CIC: variants seen among roughly 807,000 people sequenced by gnomAD.
CIC encodes protein capicua homolog.
A neutral mutation model predicts 115.7 loss-of-function variants in CIC; 18 were observed. The ratio of observed to expected loss-of-function variants is 0.16; its 90% CI spans 0.11 to 0.23. CIC has a LOEUF of 0.23. Among genes scored for constraint, CIC ranks in the 10% least tolerant of loss-of-function variants. CIC has a pLI of 1.00. For missense variants in CIC, 2,000 were observed against 2,159.3 expected, an observed-to-expected ratio of 0.93 and a Z score of 1.46; for synonymous variants, 1,076 against 923.0, an observed-to-expected ratio of 1.17 and a Z score of -3.01.
At chr19:42,283,508 GGT>G (rs761781564) in intron 2 of CIC, among the ~76,000 whole-genome samples, 2 of 152,098 alleles carry the variant, frequency 1.3e-5, no homozygotes, top group Non-Finnish European at 2.9e-5. Context: ...GTGCCCGTGG[GGT>G]GTGTAGGAGA....
Position 42,290,583 on chromosome 19 carries a change from T to C in CIC, c.4542T>C (p.Ser1514=), listed in dbSNP as rs774139976. The C allele has an allele frequency of 2.7e-5, 44 of 1,613,482 alleles. 1 individual carries two copies. In the South Asian group the frequency reaches 4.4e-4, roughly 16 times the overall value. The change falls in exon 11 of 21, where the codon AGT becomes AGC. Residue 1514 remains serine, a synonymous_variant. Transcript: ENST00000681038. ...CCTTCCGGCGCAAGAGACCCGAAAG[T>C]GTGGGTGGCCTGGAGCCACCAGGCC... The part of the protein sequence containing the change: ...PATFRRKRPE[S]VGGLEPPGPS...
chr19:42,284,055 A>AGTGGCGGGGCGGGGAGGCG (rs1385281493), intron 2 of CIC: 3 of 139,860 alleles, frequency 2.1e-5, no homozygotes, highest in Non-Finnish European at 4.7e-5. Flanking sequence ...AGCGCGTAGT[A>AGTGGCGGGGCGGGGAGGCG]GTGGCGGGGC....
rs998901250 is a variant in CIC, at chr19:42,293,169, C to T, written c.6410C>T (p.Thr2137Ile). ...APESELEGQP[T>I]PPAPPPLPET... is the part of the protein sequence containing the mutation. ...GAGTCTGAGCTTGAGGGGCAGCCCA[C>T]ACCACCAGCCCCTCCACCCCTGCCA... The change falls in exon 16 of 21, where the codon ACA becomes ATA. Residue 2137 changes from threonine to isoleucine, a missense_variant. Physicochemically the swap from Thr to Ile is moderately conservative, Grantham distance 89. This residue lies in a region of CIC where 1,466 missense variants were observed against 1,390.4 expected (regional missense o/e 1.05). Transcript: ENST00000681038. The T allele has an allele frequency of 5.0e-6, 8 of 1,603,246 alleles. No individual in the cohort carries two copies. The African/African-American group carries it at 8.0e-5, about 16-fold the overall frequency.
At position 42,293,008 on chromosome 19, in the gene CIC, G is replaced by A. The variant is rs766523175; in HGVS notation, c.6249G>A (p.Pro2083=). ...CCCCCAAGGCCCAGCGGCCCAGCCCGAAGGCCCCCCAGAAAGTGAAGGCAG... is the reference window on the plus strand; with the variant it reads ...CCCCCAAGGCCCAGCGGCCCAGCCCAAAGGCCCCCCAGAAAGTGAAGGCAG... ...LVAPKAQRPS[P]KAPQKVKAAI... The change falls in exon 16 of 21, where the codon CCG becomes CCA. Residue 2083 remains proline (P), a synonymous_variant. Coordinates refer to ENST00000681038, the MANE Select transcript of CIC (RefSeq NM_001386298.1). The A allele has an allele frequency of 3.7e-6, 6 of 1,613,452 alleles. No homozygotes were observed. Among genetic ancestry groups the A allele is most frequent in the Admixed American group, 1.7e-5 (1 of 60,014 alleles).
Position 42,269,281 on chromosome 19 carries a change from A to AG in CIC, c.-108dup, listed in dbSNP as rs931372350. 1.4e-5 allele frequency: 2 copies of AG among 142,248 alleles called. No individual in the cohort carries two copies. The highest frequency in any genetic ancestry group is 4.5e-4 in the East Asian group (2 of 4,442). The allele number at this position is 142,248 out of a possible 1,614,324, so 8.8% of individuals were successfully genotyped here. ...TTTTGTGTGTTGGAGTAAAAAAAAA[A>AG]GGGAGAATCGAGAGGGAGAGCCGGA... On this transcript the variant is annotated 5_prime_UTR_variant, in exon 1 of 21. Transcript: ENST00000681038.
Position 42,290,599 on chromosome 19 carries a change from C to G in CIC, c.4558C>G (p.Pro1520Ala), listed in dbSNP as rs1487387992. The G allele has an allele frequency of 1.9e-6, 3 of 1,613,656 alleles. No homozygotes were observed. The highest frequency in any genetic ancestry group is 1.7e-5 in the Admixed American group (1 of 60,004). Residue 1520 changes from proline (P) to alanine (A), a missense_variant, in exon 11 of 21, where the codon CCA becomes GCA. Pro to Ala is a conservative substitution (Grantham distance 27). Around this residue, in one of 8 missense-constraint regions of CIC, gnomAD observed 1,466 missense variants for 1,390.4 expected, o/e 1.05. Coordinates refer to ENST00000681038, the MANE Select transcript of CIC (RefSeq NM_001386298.1). ...ACCCGAAAGTGTGGGTGGCCTGGAGCCACCAGGCCCCTCAGTCATCGCGGC... is the reference window on the plus strand; with the variant it reads ...ACCCGAAAGTGTGGGTGGCCTGGAGGCACCAGGCCCCTCAGTCATCGCGGC... ...KRPESVGGLE[P>A]PGPSVIAAPP... is the part of the protein sequence containing the mutation.
chr19:42,288,416 T>C (rs553845960), intron 7 of CIC, among the ~76,000 whole-genome samples: 1 of 152,244 alleles, frequency 6.6e-6, no homozygotes, highest in African/African-American at 2.4e-5. Flanking sequence ...CAAACACCCC[T>C]GATGGGCTGC....
Position 42,289,896 on chromosome 19 carries a change from G to A in CIC, c.4136G>A (p.Arg1379Gln), listed in dbSNP as rs762143212. 2.7e-5 allele frequency: 44 copies of A among 1,610,218 alleles called. No individual in the cohort carries two copies. The highest frequency in any genetic ancestry group is 3.3e-5 in the South Asian group (3 of 90,064). Residue 1379 changes from arginine to glutamine, a missense_variant, in exon 10 of 21, where the codon CGG (arginine) becomes CAG (glutamine). By Grantham distance (43) the Arg-to-Gln change is conservative. Coordinates refer to ENST00000681038, the MANE Select transcript of CIC (RefSeq NM_001386298.1). The stretch of plus-strand genomic sequence containing the variant: ...GACATTGATCTCAAGTGCAAGGAGC[G>A]GGTGACCGACAGCGAGAGTGGGGAC... ...TTDIDLKCKE[R>Q]VTDSESGDSS... is the part of the protein sequence containing the mutation.
rs759679186 is a variant in CIC, at chr19:42,293,081, C to T, written c.6322C>T (p.Arg2108Trp). The change falls in exon 16 of 21, where the codon CGG becomes TGG. Residue 2108 changes from arginine (R) to tryptophan (W), a missense_variant. By Grantham distance (101) the Arg-to-Trp change is moderately radical. Around this residue, in one of 8 missense-constraint regions of CIC, gnomAD observed 1,466 missense variants for 1,390.4 expected, o/e 1.05. Coordinates refer to ENST00000681038, the MANE Select transcript of CIC (RefSeq NM_001386298.1). Reference sequence around the variant, plus strand: ...GTCCTTTGAGGCAGGTGCCTCTGGGCGGCCTGGCCCTGCACCCCGGCAGCC... The same window carrying T: ...GTCCTTTGAGGCAGGTGCCTCTGGGTGGCCTGGCCCTGCACCCCGGCAGCC... Reference protein sequence around the residue: ...VGSFEAGASGRPGPAPRQPLE... With the variant: ...VGSFEAGASGWPGPAPRQPLE... The T allele has an allele frequency of 3.0e-5, 49 of 1,610,632 alleles. No homozygotes were observed. Among genetic ancestry groups the T allele is most frequent in the Middle Eastern group, 1.6e-4 (1 of 6,082 alleles).
rs1249479981 is a variant in CIC at position 42,273,851 on chromosome 19, C to T, written c.2068C>T (p.Arg690Cys). The T allele has an allele frequency of 1.5e-5, 6 of 398,658 alleles. No individual in the cohort carries two copies. The highest frequency in any genetic ancestry group is 1.3e-4 in the South Asian group (1 of 7,856). The allele number at this position is 398,658 out of a possible 1,614,324, so 24.7% of individuals were successfully genotyped here. A position where few individuals can be genotyped will look rare whatever the true frequency, so the allele number is the denominator to read the frequency against. ...PHPPPPAPRE[R>C]HSSGILPTFQ... Reference sequence around the variant, plus strand: ...CCCACCGCCACCTGCCCCCCGAGAGCGCCACTCCTCTGGAATCCTACCCAC... The same window carrying T: ...CCCACCGCCACCTGCCCCCCGAGAGTGCCACTCCTCTGGAATCCTACCCAC... Residue 690 changes from arginine (R) to cysteine (C), a missense_variant, in exon 2 of 21, where the codon CGC becomes TGC. Physicochemically the swap from Arg to Cys is radical, Grantham distance 180 (BLOSUM62 -3). Transcript: ENST00000681038.
At chr19:42,293,524 T>A (rs1327790108) in intron 16 of CIC, 68 bp from the exon 17 acceptor site, 4 of 1,610,216 alleles carry the variant, frequency 2.5e-6, no homozygotes, top group Non-Finnish European at 3.4e-6. Flanking sequence ...ATCCAACTCT[T>A]TGTTTCTGGC....
rs770556754 is a variant in CIC, at chr19:42,295,269, C to T, written c.*78C>T. 7 of 1,310,204 alleles carry T rather than the reference C, an allele frequency of 5.3e-6. No homozygotes were observed. The highest frequency in any genetic ancestry group is 2.1e-5 in the Admixed American group (1 of 47,132). The allele number at this position is 1,310,204 out of a possible 1,614,324, so 81.2% of individuals were successfully genotyped here. A position where few individuals can be genotyped will look rare whatever the true frequency, so the allele number is the denominator to read the frequency against. On this transcript the variant is annotated 3_prime_UTR_variant, in exon 21 of 21. Transcript: ENST00000681038. ...GTATGTGGGGGCAGGAAGGTTATCT[C>T]CTCCCGGGTAAAGCCATTTCGTCCT... is the stretch of plus-strand genomic sequence containing the variant.
chr19:42,284,594 T>C (rs2147135631), intron 2 of CIC: 1 of 436,414 alleles, frequency 2.3e-6, no homozygotes, highest in Non-Finnish European at 3.6e-6. Context: ...GGCGACGGCC[T>C]CCCGCTCCCC....
Position 42,292,611 on chromosome 19 carries a change from C to T in CIC, c.5948C>T (p.Pro1983Leu), listed in dbSNP as rs748282809. ...GCTCCCGGTCAGGTGGGCGTGTCAC[C>T]TGTGCCCAGTCCCCAGCTGCCGCCT... ...LLAPGQVGVS[P>L]VPSPQLPPAC... The change falls in exon 15 of 21, where the codon CCT (proline) becomes CTT (leucine). Residue 1983 changes from proline (P) to leucine (L), a missense_variant. Transcript: ENST00000681038. The T allele has an allele frequency of 1.2e-6, 2 of 1,613,362 alleles. No homozygotes were observed. The highest frequency in any genetic ancestry group is 3.3e-5 in the Admixed American group (2 of 60,008).
chr19:42,294,806 C>T lies in CIC; in HGVS notation c.7187-18C>T, dbSNP rs768233258. 1.9e-6 allele frequency: 3 copies of T among 1,605,546 alleles called. No individual in the cohort carries two copies. The highest frequency in any genetic ancestry group is 2.2e-5 in the East Asian group (1 of 44,886). On this transcript the variant is annotated intron_variant, in intron 20 of 20. Transcript: ENST00000681038. ...TGTACATCTCATCCTGTGCTCCCCA[C>T]CGTTTTTCTATCTCCAGCCCAGGCC... is the stretch of plus-strand genomic sequence containing the variant.
chr19:42,273,193 C>T lies in CIC; in HGVS notation c.1410C>T (p.Ala470=). The T allele has an allele frequency of 2.5e-6, 1 of 398,658 alleles. No homozygotes were observed. Among genetic ancestry groups the T allele is most frequent in the Non-Finnish European group, 4.4e-6 (1 of 226,100 alleles). 24.7% of individuals were successfully genotyped at this position (398,658 alleles called of 1,614,324 possible). ...AGGGGACAGCACCGGCAGCCCGGGC[C>T]CGCACGCCACTGACAGCCGCCCAGC... ...LEKGTAPAAR[A]RTPLTAAQQK... The change falls in exon 2 of 21, where the codon GCC becomes GCT. Residue 470 remains alanine, a synonymous_variant. Coordinates refer to ENST00000681038, the MANE Select transcript of CIC (RefSeq NM_001386298.1).
In CIC at chr19:42,272,229, G is replaced by T. The variant is rs917240847; in HGVS notation, c.446G>T (p.Gly149Val). The T allele has an allele frequency of 4.0e-5, 16 of 398,498 alleles. No individual in the cohort carries two copies. Among genetic ancestry groups the T allele is most frequent in the Non-Finnish European group, 7.1e-5 (16 of 226,054 alleles). 24.7% of individuals were successfully genotyped at this position (398,498 alleles called of 1,614,324 possible). A position where few individuals can be genotyped will look rare whatever the true frequency, so the allele number is the denominator to read the frequency against. ...ERVRTPEEAS[G>V]LGVPPRPPTS... The stretch of plus-strand genomic sequence containing the variant: ...GTGCGGACCCCTGAGGAGGCCAGTG[G>T]CCTGGGGGTGCCTCCACGGCCACCC... The change falls in exon 2 of 21, where the codon GGC becomes GTC. Residue 149 changes from glycine to valine, a missense_variant. Transcript: ENST00000681038.
intron 2 of CIC, among the ~76,000 whole-genome samples, chr19:42,281,465 G>T (rs1426971190): frequency 1.3e-5 from 2 of 152,314 alleles, no homozygotes. Flanking sequence ...GGCTGTTTAG[G>T]GGCAGTCCTT....
chr19:42,289,329 G>T lies in CIC; in HGVS notation c.4010G>T (p.Arg1337Leu). 1 of 1,613,976 alleles carries T rather than the reference G, an allele frequency of 6.2e-7. No homozygotes were observed. The highest frequency in any genetic ancestry group is 1.3e-5 in the African/African-American group (1 of 75,052). ...CCCACCCGAGCTTCTCGTTCTCAGC[G>T]TGCGGCCAGTGAGGACATGACGAGT... ...LLPTRASRSQ[R>L]AASEDMTSDE... Residue 1337 changes from arginine to leucine, a missense_variant, in exon 9 of 21, where the codon CGT (arginine) becomes CTT (leucine). Coordinates refer to ENST00000681038, the MANE Select transcript of CIC (RefSeq NM_001386298.1).
Sources: gnomAD v4.1 joint callset for allele counts (sites outside exome capture counted in the v4.1 genomes callset) on GRCh38, gnomAD v4.1.1 for gene constraint, gnomAD v4.1.1 regional missense constraint, MANE v1.5 for transcripts, NCBI Gene and HGNC (gene_info 2026-07-23, HGNC 2026-07-21) for gene names.